Variants in RPL31 observed in about 807,000 individuals in gnomAD.
RPL31 encodes the protein ribosomal protein L31, also known as large ribosomal subunit protein eL31.
For missense variants in RPL31, 95 were observed against 164.0 expected, an observed-to-expected ratio of 0.58 and a Z score of 2.30; for synonymous variants, 51 against 55.0, an observed-to-expected ratio of 0.93 and a Z score of 0.32.
At chr2:101,009,908 G>A (rs1418536956), downstream of RPL31, among the ~76,000 whole-genome samples, 6 of 149,124 alleles carry the variant, frequency 4.0e-5, no homozygotes, top group African/African-American at 1.5e-4. Context: ...TGCAAGCTCC[G>A]CCTCCCGGGT....
At chr2:101,008,939 G>C (rs1678961358), downstream of RPL31, among the ~76,000 whole-genome samples, 1 of 152,224 alleles carries the variant, frequency 6.6e-6, no homozygotes. Flanking sequence ...TCCTCTGGTG[G>C]GAAGGCCATG....
chr2:101,011,366 C>T (rs1000395132), downstream of RPL31: 29 of 1,322,060 alleles, frequency 2.2e-5, no homozygotes, highest in Non-Finnish European at 3.2e-5. Context: ...AAGGCTGCTA[C>T]AAGAAGAGGG....
intron 4 of RPL31, chr2:101,017,871 A>T: frequency 1.3e-6 from 2 of 1,550,966 alleles, no homozygotes; most frequent in Non-Finnish European, 1.7e-6. Context: ...CTTCAAAACG[A>T]TGATCTCTTC....
In RPL31 at chr2:101,005,676, A is replaced by G. The variant is rs1308966197; in HGVS notation, c.234-283A>G. 7.3e-6 allele frequency: 3 copies of G among 408,292 alleles called. No individual in the cohort carries two copies. The East Asian group carries it at 1.5e-4, about 20-fold the overall frequency. The allele number at this position is 408,292 out of a possible 1,614,324, so 25.3% of individuals were successfully genotyped here. ...CTGGTGATAGACAAAAGACTAACAC[A>G]TTTGGACCATTTGGACCCAGATATC... On this transcript the variant is annotated intron_variant, in intron 3 of 4. Transcript: ENST00000264258.
downstream of RPL31, among the ~76,000 whole-genome samples, chr2:101,008,811 T>TAAA (rs34291098): frequency 1.4e-5 from 2 of 145,750 alleles, no homozygotes; most frequent in African/African-American, 2.5e-5. Context: ...AACTTTGTCT[T>TAAA]AAAAAAAAAA....
At chr2:101,002,945 C>G (rs1403746117) in intron 2 of RPL31, 137 bp downstream of exon 2, 1 of 668,056 alleles carries the variant, frequency 1.5e-6, no homozygotes, top group Non-Finnish European at 2.7e-6. Context: ...TTAACAAATC[C>G]TGTGGGCTCT....
At chr2:101,011,679 C>T, downstream of RPL31, 1 of 735,150 alleles carries the variant, frequency 1.4e-6, no homozygotes, top group Non-Finnish European at 2.3e-6. Context: ...GGTCCACGAA[C>T]CCAAATGCAC....
chr2:101,017,814 A>G (rs559874096), intron 4 of RPL31: 20 of 1,545,876 alleles, frequency 1.3e-5, no homozygotes, highest in Non-Finnish European at 1.7e-5. Flanking sequence ...ATTAGTTTTC[A>G]TACTAATACT....
At chr2:101,009,232 GTC>G (rs996967728), downstream of RPL31, among the ~76,000 whole-genome samples, 4 of 152,026 alleles carry the variant, frequency 2.6e-5, no homozygotes, top group African/African-American at 9.7e-5. Flanking sequence ...GTGAAACCCT[GTC>G]TCTATTAAAA....
At chr2:101,013,460 A>G (rs1462564231) in intron 4 of RPL31, among the ~76,000 whole-genome samples, 1 of 152,194 alleles carries the variant, frequency 6.6e-6, no homozygotes, top group Non-Finnish European at 1.5e-5. Flanking sequence ...ATTGACAGAC[A>G]ATTTCTATTA....
At chr2:101,007,957 T>C, downstream of RPL31, 2 of 1,614,070 alleles carry the variant, frequency 1.2e-6, no homozygotes, top group South Asian at 2.2e-5. Context: ...GACTAATGAC[T>C]GTTCAGTCAG....
At chr2:101,012,380 C>T (rs910627221) in intron 4 of RPL31, among the ~76,000 whole-genome samples, 4 of 152,220 alleles carry the variant, frequency 2.6e-5, no homozygotes, top group Non-Finnish European at 5.9e-5. Context: ...GAATGAAGCA[C>T]TGACGCATGC....
chr2:101,019,107 A>G, exon 5 of RPL31: 1 of 1,566,268 alleles, frequency 6.4e-7, no homozygotes. Context: ...GCTGCAGCAG[A>G]TGCCTTTACA....
chr2:101,004,565 C>T (rs895669132), intron 3 of RPL31: 7 of 433,540 alleles, frequency 1.6e-5, no homozygotes, highest in Non-Finnish European at 2.8e-5. Flanking sequence ...GGGTGGTGAA[C>T]GCAGGTAAAG....
At position 101,005,991 on chromosome 2, in the gene RPL31, C is replaced by T; in HGVS notation, c.266C>T (p.Ser89Phe). The T allele has an allele frequency of 6.2e-7, 1 of 1,613,360 alleles. No homozygotes were observed. The highest frequency in any genetic ancestry group is 1.1e-5 in the South Asian group (1 of 91,040). The change falls in exon 4 of 5, where the codon TCC (serine) becomes TTC (phenylalanine). Residue 89 changes from serine to phenylalanine, a missense_variant. Physicochemically the swap from Ser to Phe is radical, Grantham distance 155. Coordinates refer to ENST00000264258, the MANE Select transcript of RPL31 (RefSeq NM_000993.5). ...NVPYRIRVRL[S>F]RKRNEDEDSP... Reference sequence around the variant, plus strand: ...CCATACCGAATCCGTGTGCGGCTGTCCAGAAAACGTAATGAGGATGAAGAT... The same window carrying T: ...CCATACCGAATCCGTGTGCGGCTGTTCAGAAAACGTAATGAGGATGAAGAT...
exon 5 of RPL31, chr2:101,019,160 A>G: frequency 7.2e-7 from 1 of 1,379,524 alleles, no homozygotes; most frequent in East Asian, 2.5e-5. Context: ...TTACCCTGGC[A>G]GAGGGCCAGG....
intron 3 of RPL31, chr2:101,005,190 T>C (rs1558958415): frequency 1.3e-5 from 2 of 152,118 alleles, no homozygotes; most frequent in Non-Finnish European, 2.9e-5. Flanking sequence ...CCTAGAACAA[T>C]ACCCGGCATC....
downstream of RPL31, chr2:101,011,597 CAGT>C: frequency 6.3e-7 from 1 of 1,577,192 alleles, no homozygotes; most frequent in African/African-American, 1.3e-5. Flanking sequence ...CCAAAACTGA[CAGT>C]AATGTAGCTT....
intron 4 of RPL31, chr2:101,017,741 AG>A: frequency 7.3e-6 from 8 of 1,099,296 alleles, no homozygotes; most frequent in Non-Finnish European, 1.1e-5. Context: ...CAGGCAAGAT[AG>A]GGTCAAGTGA....
Sources: allele counts gnomAD v4.1 joint callset (sites outside exome capture counted in the v4.1 genomes callset), GRCh38; gene constraint gnomAD v4.1.1; transcripts MANE v1.5; gene names NCBI Gene and HGNC (gene_info 2026-07-23, HGNC 2026-07-21).